Variants in MAP3K5 observed in about 807,000 individuals in gnomAD.
MAP3K5 encodes mitogen-activated protein kinase kinase kinase 5, also known as ASK-1.
A neutral mutation model predicts 158.7 loss-of-function variants in MAP3K5; 56 were observed. The observed-to-expected ratio is 0.35, with a 90% confidence interval of 0.28 to 0.44. The LOEUF (loss-of-function observed/expected upper bound fraction) is 0.44. MAP3K5 is among the 20% of genes least tolerant of loss of function. MAP3K5 has a pLI of 1.00. For synonymous variants in MAP3K5, 579 were observed against 601.7 expected (o/e 0.96, Z 0.55); for missense variants, 1,294 against 1,674.8 (o/e 0.77, Z 3.97).
rs750685752 is a variant in MAP3K5 at position 136,592,600 on chromosome 6, T to C, written c.2893A>G (p.Ile965Val). The change falls in exon 22 of 30, where the codon ATA (isoleucine) becomes GTA (valine). Residue 965 changes from isoleucine (I) to valine (V), a missense_variant. Transcript: ENST00000359015. The part of the protein sequence containing the change: ...SAGSNEYLRS[I>V]SLPVPVLVED... ...ACCAGCACAGGTACCGGCAAGGATATACTCCTGAGATATTCTGCTTGTGAT... is the reference window on the plus strand; with the variant it reads ...ACCAGCACAGGTACCGGCAAGGATACACTCCTGAGATATTCTGCTTGTGAT... The C allele has an allele frequency of 6.2e-7, 1 of 1,613,840 alleles. No individual in the cohort carries two copies. Among genetic ancestry groups the C allele is most frequent in the Non-Finnish European group, 8.5e-7 (1 of 1,179,834 alleles).
chr6:136,704,506 A>C (rs921090884), intron 3 of MAP3K5, among the ~76,000 whole-genome samples: 10 of 152,212 alleles, frequency 6.6e-5, no homozygotes, highest in Non-Finnish European at 1.2e-4. Context: ...AGTGCCACTC[A>C]TAATTCCACA....
intron 1 of MAP3K5, among the ~76,000 whole-genome samples, chr6:136,741,509 A>C (rs79169078): frequency 4.9e-5 from 7 of 142,450 alleles, no homozygotes; most frequent in Admixed American, 2.1e-4. Context: ...AAATACCTAC[A>C]AAAAAAAAAA....
intron 8 of MAP3K5, among the ~76,000 whole-genome samples, chr6:136,661,536 C>T (rs1779005994): frequency 6.6e-6 from 1 of 152,034 alleles, no homozygotes; most frequent in Non-Finnish European, 1.5e-5. Flanking sequence ...GCTGGGAGTA[C>T]AGGCATGAGC....
rs1039350732 is a variant in MAP3K5, at chr6:136,666,816, T to C, written c.1366+2467A>G. On this transcript the variant is annotated intron_variant, in intron 8 of 29. Transcript: ENST00000359015. ...ATTTAGAATGCATATCACAGTATTT[T>C]AGAAGCCTAAAACAGTTCTCATGAT... Among the ~76,000 whole-genome samples, 4 of 152,212 alleles carry C rather than the reference T, an allele frequency of 2.6e-5. No homozygotes were observed. The East Asian group carries it at 7.7e-4, about 29-fold the overall frequency.
intron 21 of MAP3K5, among the ~76,000 whole-genome samples, chr6:136,599,171 G>T (rs913429760): frequency 2.1e-5 from 3 of 139,788 alleles, no homozygotes; most frequent in East Asian, 2.1e-4. Context: ...AAAAAAAAGG[G>T]GGGGGGGGCG....
At chr6:136,693,365 T>C (rs1040091220) in intron 7 of MAP3K5, among the ~76,000 whole-genome samples, 2 of 152,246 alleles carry the variant, frequency 1.3e-5, no homozygotes, top group African/African-American at 4.8e-5. Context: ...ACCTTGTGCT[T>C]TTCCAGAATT....
At chr6:136,759,535 A>G (rs1360592569) in intron 1 of MAP3K5, among the ~76,000 whole-genome samples, 1 of 145,686 alleles carries the variant, frequency 6.9e-6, no homozygotes, top group African/African-American at 2.5e-5. Flanking sequence ...TAGTGGCACA[A>G]TCACAGCTCA....
chr6:136,630,484 T>C (rs1349940688), intron 14 of MAP3K5: 1 of 152,210 alleles, frequency 6.6e-6, no homozygotes, highest in African/African-American at 2.4e-5. Flanking sequence ...ATGAAGATGA[T>C]TTTAGGCTGA....
intron 26 of MAP3K5, among the ~76,000 whole-genome samples, chr6:136,565,008 T>C (rs1440334008): frequency 6.6e-6 from 1 of 152,238 alleles, no homozygotes; most frequent in Non-Finnish European, 1.5e-5. Context: ...CCCTGGAATC[T>C]CTCTGAATCT....
At chr6:136,711,181 A>G (rs1781291355) in intron 2 of MAP3K5, among the ~76,000 whole-genome samples, 1 of 152,148 alleles carries the variant, frequency 6.6e-6, no homozygotes, top group African/African-American at 2.4e-5. Context: ...TAAAAGAAAA[A>G]AATCTCAATA....
chr6:136,643,377 C>T lies in MAP3K5; in HGVS notation c.1789-808G>A, dbSNP rs574709609. Reference sequence around the variant, plus strand: ...TTTTTACAGAAACAAAGTAGTTTATCCATGTGTCTAAGTTGAGCAAGTACA... The same window carrying T: ...TTTTTACAGAAACAAAGTAGTTTATTCATGTGTCTAAGTTGAGCAAGTACA... On this transcript the variant is annotated intron_variant, in intron 11 of 29. Coordinates refer to ENST00000359015, the MANE Select transcript of MAP3K5 (RefSeq NM_005923.4). 6.6e-5 allele frequency among the ~76,000 whole-genome samples: 10 copies of T among 152,196 alleles called. No individual in the cohort carries two copies. The South Asian group carries it at 2.1e-3, about 32-fold the overall frequency.
At chr6:136,729,941 T>C (rs1165740862) in intron 1 of MAP3K5, among the ~76,000 whole-genome samples, 1 of 152,174 alleles carries the variant, frequency 6.6e-6, no homozygotes, top group Non-Finnish European at 1.5e-5. Context: ...AGGATAATGA[T>C]TTGCCATTAA....
At chr6:136,689,366 A>G (rs533431443) in intron 7 of MAP3K5, among the ~76,000 whole-genome samples, 3 of 152,186 alleles carry the variant, frequency 2.0e-5, no homozygotes, top group Non-Finnish European at 4.4e-5. Context: ...CAGTGTAATA[A>G]AAATTCATAG....
intron 24 of MAP3K5, 23 bp from the exon 25 acceptor site, chr6:136,580,429 C>G: frequency 6.7e-7 from 1 of 1,491,926 alleles, no homozygotes; most frequent in Non-Finnish European, 9.3e-7. Context: ...TGACATTTAG[C>G]CTACTTTAAT....
chr6:136,674,950 T>C (rs1441894082), intron 7 of MAP3K5, among the ~76,000 whole-genome samples: 2 of 151,974 alleles, frequency 1.3e-5, no homozygotes, highest in Admixed American at 6.5e-5. Flanking sequence ...GCATTTTATA[T>C]AGAAAAGATA....
Position 136,698,474 on chromosome 6 carries a change from T to C in MAP3K5, c.806+15A>G, listed in dbSNP as rs1364602536. On this transcript the variant is annotated intron_variant, in intron 4 of 29. Coordinates refer to ENST00000359015, the MANE Select transcript of MAP3K5 (RefSeq NM_005923.4). ...TTATTGTCATCACCAAATGGCATTA[T>C]TAATTAAACTTTACCTAGAACTTGC... The C allele has an allele frequency of 6.2e-7, 1 of 1,607,490 alleles. No individual in the cohort carries two copies. Among genetic ancestry groups the C allele is most frequent in the South Asian group, 1.1e-5 (1 of 90,810 alleles).
chr6:136,610,084 C>A (rs942710303), intron 18 of MAP3K5, among the ~76,000 whole-genome samples: 1 of 152,082 alleles, frequency 6.6e-6, no homozygotes, highest in Non-Finnish European at 1.5e-5. Flanking sequence ...GGCCATGTTG[C>A]TTCATATTAG....
chr6:136,621,726 G>C (rs573772381), intron 15 of MAP3K5, among the ~76,000 whole-genome samples: 1 of 152,294 alleles, frequency 6.6e-6, no homozygotes, highest in African/African-American at 2.4e-5. Context: ...AGTTTGGTTA[G>C]GCTCCGGTAA....
At chr6:136,626,194 C>T (rs1212728522) in intron 14 of MAP3K5, among the ~76,000 whole-genome samples, 1 of 152,174 alleles carries the variant, frequency 6.6e-6, no homozygotes, top group Non-Finnish European at 1.5e-5. Context: ...AACAGGTTTT[C>T]AGGCCCTTAT....
Sources: allele counts gnomAD v4.1 joint callset (sites outside exome capture counted in the v4.1 genomes callset), GRCh38; gene constraint gnomAD v4.1.1; transcripts MANE v1.5; gene names NCBI Gene and HGNC (gene_info 2026-07-23, HGNC 2026-07-21).